The following MITF variants were observed in gnomAD, a reference collection of about 807,000 sequenced individuals.
MITF encodes the protein melanocyte inducing transcription factor, also known as microphthalmia-associated transcription factor.
In MITF, 17 loss-of-function variants were observed where a neutral mutation model predicts 60.5. The observed-to-expected ratio is 0.28, with a 90% CI of 0.19 to 0.42. The LOEUF (loss-of-function observed/expected upper bound fraction) is 0.42. Ranked by LOEUF, MITF falls within the 10% of genes least tolerant of loss-of-function variation. The pLI, the probability that MITF is intolerant of heterozygous loss-of-function variation, is 1.00. For synonymous variants in MITF, 260 were observed against 248.5 expected (o/e 1.05, Z -0.43); for missense variants, 622 against 683.5 (o/e 0.91, Z 1.00).
At chr3:69,886,159 A>G (rs1384087075) in intron 2 of MITF, among the ~76,000 whole-genome samples, 9 of 152,138 alleles carry the variant, frequency 5.9e-5, no homozygotes, top group African/African-American at 2.2e-4. Flanking sequence ...AGCAATGTTC[A>G]GCCTCTCAAA....
At position 69,870,424 on chromosome 3, in the gene MITF, GTA is replaced by G. The variant is rs1217631745; in HGVS notation, c.105-8694_105-8693del. ...TATATGTGTATATATATATGTGTGT[GTA>G]TATATATATATATATTTTTTTTTTT... On this transcript the variant is annotated intron_variant, in intron 1 of 9. Coordinates refer to ENST00000352241, the MANE Select transcript of MITF (RefSeq NM_001354604.2). Among the ~76,000 whole-genome samples, 130 of 145,132 alleles carry G rather than the reference GTA, an allele frequency of 9.0e-4. 10 individuals carry two copies. Among genetic ancestry groups the G allele is most frequent in the East Asian group, 2.2e-3 (11 of 5,018 alleles).
chr3:69,832,510 T>C (rs2063466445), intron 1 of MITF, among the ~76,000 whole-genome samples: 1 of 152,244 alleles, frequency 6.6e-6, no homozygotes, highest in South Asian at 2.1e-4. Context: ...GATAGGCCTT[T>C]CCTTACCATC....
At chr3:69,927,109 A>T (rs1047749686) in intron 2 of MITF, among the ~76,000 whole-genome samples, 1 of 152,216 alleles carries the variant, frequency 6.6e-6, no homozygotes, top group Non-Finnish European at 1.5e-5. Flanking sequence ...TTGACCGAGT[A>T]ATTTGTCATT....
At chr3:69,866,365 T>G (rs2064115215) in intron 1 of MITF, 1 of 1,613,498 alleles carries the variant, frequency 6.2e-7, no homozygotes, top group African/African-American at 1.3e-5. Flanking sequence ...AGTTTTATTC[T>G]GGAAATAATC....
chr3:69,883,112 T>C (rs2064526945), intron 2 of MITF, among the ~76,000 whole-genome samples: 1 of 152,194 alleles, frequency 6.6e-6, no homozygotes, highest in South Asian at 2.1e-4. Flanking sequence ...AAAGGTTGCA[T>C]GAATTTTAAA....
chr3:69,745,397 A>G (rs1703683462), intron 1 of MITF, among the ~76,000 whole-genome samples: 1 of 152,086 alleles, frequency 6.6e-6, no homozygotes, highest in Non-Finnish European at 1.5e-5. Flanking sequence ...TAATTATACA[A>G]GGCAGAGTGT....
At chr3:69,844,892 A>G (rs1310405335) in intron 1 of MITF, among the ~76,000 whole-genome samples, 2 of 152,180 alleles carry the variant, frequency 1.3e-5, no homozygotes, top group Non-Finnish European at 2.9e-5. Context: ...TTGAACTCTC[A>G]TGTCACTATG....
chr3:69,877,213 T>C (rs1309161774), intron 1 of MITF, among the ~76,000 whole-genome samples: 1 of 152,214 alleles, frequency 6.6e-6, no homozygotes, highest in Non-Finnish European at 1.5e-5. Flanking sequence ...TCTCATAGTA[T>C]GGGACAAATT....
chr3:69,961,019 G>C (rs2066528556), intron 9 of MITF, among the ~76,000 whole-genome samples: 1 of 152,116 alleles, frequency 6.6e-6, no homozygotes. Context: ...TTTTGTTGTT[G>C]GTTTTATGTT....
chr3:69,855,643 A>G (rs1018675414), intron 1 of MITF, among the ~76,000 whole-genome samples: 1 of 152,126 alleles, frequency 6.6e-6, no homozygotes, highest in Admixed American at 6.5e-5. Context: ...ATGAAGTACT[A>G]TATAGCTAAT....
intron 1 of MITF, among the ~76,000 whole-genome samples, chr3:69,793,938 A>G (rs1164253413): frequency 1.3e-5 from 2 of 152,156 alleles, no homozygotes; most frequent in African/African-American, 4.8e-5. Context: ...GGCAACACCT[A>G]CTCAAATGAG....
intron 1 of MITF, among the ~76,000 whole-genome samples, chr3:69,807,839 G>T (rs541763333): frequency 6.6e-6 from 1 of 152,208 alleles, no homozygotes; most frequent in African/African-American, 2.4e-5. Flanking sequence ...TGGTAACTAA[G>T]CTTCGTGATT....
chr3:69,791,496 T>C (rs551508778), intron 1 of MITF, among the ~76,000 whole-genome samples: 105 of 152,322 alleles, frequency 6.9e-4, no homozygotes, highest in South Asian at 5.2e-3. Flanking sequence ...TTTGCAATTC[T>C]TTATGTGCAA....
chr3:69,813,537 AAAGG>A (rs1227199296), intron 1 of MITF, among the ~76,000 whole-genome samples: 1 of 152,132 alleles, frequency 6.6e-6, no homozygotes, highest in Non-Finnish European at 1.5e-5. Flanking sequence ...CTTTAGTGGA[AAAGG>A]AAGATCACTG....
chr3:69,798,312 A>G lies in MITF; in HGVS notation c.104+58611A>G, dbSNP rs111679487. ...AGATCGACTTTATTGAATTCCTTCT[A>G]TATGTTTTTGTCAGCTGCACAGTCT... On this transcript the variant is annotated intron_variant, in intron 1 of 9. Coordinates refer to ENST00000352241, the MANE Select transcript of MITF (RefSeq NM_001354604.2). Among the ~76,000 whole-genome samples, 659 of 152,290 alleles carry G rather than the reference A, an allele frequency of 4.3e-3. 6 individuals carry two copies. Among genetic ancestry groups the G allele is most frequent in the African/African-American group, 0.015 (611 of 41,556 alleles).
Position 69,941,331 on chromosome 3 carries a change from G to A in MITF, c.762G>A (p.Thr254=), listed in dbSNP as rs368862508. 3.7e-6 allele frequency: 6 copies of A among 1,600,348 alleles called. No individual in the cohort carries two copies. The African/African-American group carries it at 4.0e-5, about 11-fold the overall frequency. ...LMDPALQMAN[T]LPVSGNLIDL... ...ATCCTGCTTTGCAAATGGCAAATAC[G>A]GTATTGATAACCTTTTTTTAAGTAG... The change falls in exon 5 of 10, where the codon ACG becomes ACA. Residue 254 remains threonine, a splice_region_variant and synonymous_variant. Transcript: ENST00000352241.
intron 1 of MITF, among the ~76,000 whole-genome samples, chr3:69,839,998 G>T (rs1367868651): frequency 6.6e-6 from 1 of 151,986 alleles, no homozygotes; most frequent in Non-Finnish European, 1.5e-5. Context: ...GAATATTTTG[G>T]GTAAGGGTAG....
At chr3:69,876,330 C>T (rs1455209022) in intron 1 of MITF, among the ~76,000 whole-genome samples, 1 of 152,116 alleles carries the variant, frequency 6.6e-6, no homozygotes, top group Non-Finnish European at 1.5e-5. Context: ...GGATCAGTCT[C>T]TCTGGGAATG....
intron 1 of MITF, among the ~76,000 whole-genome samples, chr3:69,874,903 A>G (rs1279020569): frequency 6.6e-6 from 1 of 152,242 alleles, no homozygotes; most frequent in African/African-American, 2.4e-5. Context: ...GCCCATGTCC[A>G]AAATACCTAT....
Sources: gnomAD v4.1 joint callset for allele counts (sites outside exome capture counted in the v4.1 genomes callset) on GRCh38, gnomAD v4.1.1 for gene constraint, MANE v1.5 for transcripts, NCBI Gene and HGNC (gene_info 2026-07-23, HGNC 2026-07-21) for gene names.